CAPN14: variants seen among roughly 807,000 people sequenced by gnomAD.
CAPN14 encodes the protein calpain-14.
A neutral mutation model predicts 101.3 loss-of-function variants in CAPN14; 94 were observed. That is an observed-to-expected ratio of 0.93 (90% CI 0.79 to 1.10). CAPN14 has a LOEUF of 1.10. Ranked by LOEUF, CAPN14 falls within the 50% of genes least tolerant of loss-of-function variation. The pLI is 0.00. For missense variants in CAPN14, 837 were observed against 828.4 expected (o/e 1.01, Z -0.13); for synonymous variants, 338 against 317.9 (o/e 1.06, Z -0.67).
chr2:31,220,490 A>G (rs1457383307), upstream of CAPN14, among the ~76,000 whole-genome samples: 2 of 152,176 alleles, frequency 1.3e-5, no homozygotes, highest in African/African-American at 4.8e-5. Flanking sequence ...CAGACAGGGG[A>G]TGTCAGGCTG....
intron 19 of CAPN14, among the ~76,000 whole-genome samples, chr2:31,177,496 T>G (rs1680364669): frequency 6.6e-6 from 1 of 152,164 alleles, no homozygotes; most frequent in African/African-American, 2.4e-5. Context: ...TCTTCCTCTG[T>G]GAAGTGAGGA....
intron 18 of CAPN14, among the ~76,000 whole-genome samples, chr2:31,178,172 G>T (rs969742598): frequency 6.6e-6 from 1 of 152,236 alleles, no homozygotes; most frequent in African/African-American, 2.4e-5. Flanking sequence ...TGTGAGCAAT[G>T]ATTGGAAGAG....
At chr2:31,181,145 T>C (rs1245232304) in intron 16 of CAPN14, 145 bp from the exon 17 acceptor site, 7 of 644,394 alleles carry the variant, frequency 1.1e-5, no homozygotes, top group South Asian at 9.6e-5. Context: ...TGGAAGACAG[T>C]AGAGAGACGG....
chr2:31,223,177 G>A (rs1345347160), intron 2 of CAPN14, among the ~76,000 whole-genome samples: 1 of 152,250 alleles, frequency 6.6e-6, no homozygotes, highest in Non-Finnish European at 1.5e-5. Flanking sequence ...GACAAAAGGA[G>A]AAGTGTAAAC....
chr2:31,213,751 A>G (rs1682510941), intron 1 of CAPN14, among the ~76,000 whole-genome samples: 2 of 152,342 alleles, frequency 1.3e-5, no homozygotes, highest in African/African-American at 2.4e-5. Context: ...TCTCTCTGCT[A>G]AAGTTTCACA....
In CAPN14 at chr2:31,188,309, A is replaced by C. The variant is rs1558617048; in HGVS notation, c.1530+9T>G. 1.3e-6 allele frequency: 2 copies of C among 1,551,088 alleles called. No homozygotes were observed. The highest frequency in any genetic ancestry group is 1.4e-5 in the African/African-American group (1 of 73,132). On this transcript the variant is annotated intron_variant, in intron 14 of 21. Transcript: ENST00000403897. ...TCCCAGCCATATGGAATTCCACCAG[A>C]CTACTCACCTTTGAGAAGACGACAC...
rs72155600 is a variant in CAPN14, at chr2:31,212,312, C to CAA, written c.-53+5142_-53+5143dup. ...GTGACAGAATAAGACCGTCTCAAAACAAAAAAAAAAAAAAACAAAAAAAAC... is the reference window on the plus strand; with the variant it reads ...GTGACAGAATAAGACCGTCTCAAAACAAAAAAAAAAAAAAAAACAAAAAAAAC... On this transcript the variant is annotated intron_variant, in intron 1 of 21. Coordinates refer to ENST00000403897, the MANE Select transcript of CAPN14 (RefSeq NM_001145122.2). 8.2e-3 allele frequency among the ~76,000 whole-genome samples: 909 copies of CAA among 110,414 alleles called. 8 individuals are homozygous for CAA. The highest frequency in any genetic ancestry group is 0.033 in the African/African-American group (850 of 25,878). The allele number at this position is 110,414 out of a possible 152,430, so 72.4% of individuals were successfully genotyped here. A position where few individuals can be genotyped will look rare whatever the true frequency, so the allele number is the denominator to read the frequency against.
Position 31,209,681 on chromosome 2 carries a change from T to G in CAPN14, c.-52-4182A>C, listed in dbSNP as rs142325299. 1.4e-4 allele frequency among the ~76,000 whole-genome samples: 22 copies of G among 152,302 alleles called. No individual in the cohort carries two copies. The East Asian group carries it at 3.5e-3, about 24-fold the overall frequency. On this transcript the variant is annotated intron_variant, in intron 1 of 21. Coordinates refer to ENST00000403897, the MANE Select transcript of CAPN14 (RefSeq NM_001145122.2). ...AGGAACAGACTCTAGATACACCTTGTGTCAAAATTTACTCCTTCAGGTGGG... is the reference window on the plus strand; with the variant it reads ...AGGAACAGACTCTAGATACACCTTGGGTCAAAATTTACTCCTTCAGGTGGG...
intron 16 of CAPN14, among the ~76,000 whole-genome samples, chr2:31,184,015 G>T (rs979614380): frequency 6.6e-6 from 1 of 152,112 alleles, no homozygotes; most frequent in Non-Finnish European, 1.5e-5. Context: ...CTGAGTAGCT[G>T]GGATTACAGG....
intron 2 of CAPN14, among the ~76,000 whole-genome samples, chr2:31,203,720 G>T (rs1681918232): frequency 6.6e-6 from 1 of 152,154 alleles, no homozygotes; most frequent in Non-Finnish European, 1.5e-5. Context: ...CTGCCATGTA[G>T]TTTAGGAGGC....
chr2:31,177,237 G>T, intron 19 of CAPN14, 95 bp from the exon 20 acceptor site: 1 of 741,194 alleles, frequency 1.3e-6, no homozygotes, highest in Non-Finnish European at 2.2e-6. Context: ...CCAGTTTAGG[G>T]ACCTGAATCC....
At chr2:31,228,368 G>A (rs1683089476) in intron 1 of CAPN14, 1 of 152,190 alleles carries the variant, frequency 6.6e-6, no homozygotes, top group African/African-American at 2.4e-5. Flanking sequence ...GGAAGCTAAG[G>A]AGGGTTCGGC....
At chr2:31,221,045 A>G (rs1238245654), upstream of CAPN14, among the ~76,000 whole-genome samples, 1 of 152,236 alleles carries the variant, frequency 6.6e-6, no homozygotes, top group African/African-American at 2.4e-5. Flanking sequence ...ATAAATGAAA[A>G]GTCATCGCCA....
At chr2:31,189,551 A>T in intron 12 of CAPN14, 73 bp from the exon 13 acceptor site, 1 of 1,254,736 alleles carries the variant, frequency 8.0e-7, no homozygotes, top group Non-Finnish European at 1.1e-6. Flanking sequence ...AGGCCCTCAA[A>T]GCTCTGAGCC....
chr2:31,221,450 T>A (rs1682860892), upstream of CAPN14, among the ~76,000 whole-genome samples: 1 of 152,194 alleles, frequency 6.6e-6, no homozygotes, highest in Non-Finnish European at 1.5e-5. Flanking sequence ...GGAACATATT[T>A]CTAACCATTC....
upstream of CAPN14, among the ~76,000 whole-genome samples, chr2:31,218,338 C>T (rs542211540): frequency 1.1e-4 from 17 of 151,716 alleles, no homozygotes; most frequent in African/African-American, 4.1e-4. Context: ...GCTTGCACAC[C>T]TAGGATCCCC....
intron 21 of CAPN14, 50 bp from the exon 22 acceptor site, chr2:31,174,757 T>C: frequency 6.5e-7 from 1 of 1,543,018 alleles, no homozygotes; most frequent in Middle Eastern, 1.7e-4. Flanking sequence ...CCACGTCTCA[T>C]CTGGGCCTCC....
At chr2:31,201,211 ATGTGTG>A (rs199981544) in intron 5 of CAPN14, among the ~76,000 whole-genome samples, 1 of 143,610 alleles carries the variant, frequency 7.0e-6, no homozygotes, top group African/African-American at 2.5e-5. Context: ...GTGTGTGTGC[ATGTGTG>A]TGTCTGTGTT....
At chr2:31,175,554 T>A (rs144546738) in intron 21 of CAPN14, among the ~76,000 whole-genome samples, 1 of 152,312 alleles carries the variant, frequency 6.6e-6, no homozygotes, top group Non-Finnish European at 1.5e-5. Flanking sequence ...CCAGCCACTG[T>A]GGAAGGATTG....
Sources: gnomAD v4.1 joint callset for allele counts (sites outside exome capture counted in the v4.1 genomes callset) on GRCh38, gnomAD v4.1.1 for gene constraint, MANE v1.5 for transcripts, NCBI Gene and HGNC (gene_info 2026-07-23, HGNC 2026-07-21) for gene names.